The following CDH4 variants were observed in gnomAD, a reference collection of about 807,000 sequenced individuals.
CDH4 encodes cadherin 4.
CDH4 carries 33 observed loss-of-function variants against 86.0 expected under a neutral mutation model. That is an observed-to-expected ratio of 0.38 (90% CI 0.29 to 0.51). The LOEUF is 0.51. CDH4 is among the 20% of genes least tolerant of loss of function. The pLI is 0.86. For missense variants in CDH4, 1,114 were observed against 1,307.4 expected, an observed-to-expected ratio of 0.85 and a Z score of 2.28; for synonymous variants, 555 against 549.4, an observed-to-expected ratio of 1.01 and a Z score of -0.14.
At chr20:61,323,799 G>C (rs2084522669) in intron 2 of CDH4, among the ~76,000 whole-genome samples, 1 of 152,180 alleles carries the variant, frequency 6.6e-6, no homozygotes, top group East Asian at 1.9e-4. Flanking sequence ...CATGCAAAAT[G>C]GGTTTGTTTT....
intron 7 of CDH4, among the ~76,000 whole-genome samples, chr20:61,875,131 C>T (rs1487379442): frequency 1.3e-5 from 2 of 152,216 alleles, no homozygotes; most frequent in African/African-American, 4.8e-5. Flanking sequence ...CCGGGGCCTC[C>T]AGTTTCTGCC....
intron 2 of CDH4, among the ~76,000 whole-genome samples, chr20:61,710,344 A>G (rs549987964): frequency 1.5e-4 from 23 of 152,238 alleles, no homozygotes; most frequent in African/African-American, 4.8e-4. Context: ...CTGGGCCCCA[A>G]TGTGAAGGCA....
chr20:61,792,127 A>G (rs1979236025), intron 4 of CDH4, among the ~76,000 whole-genome samples: 1 of 152,084 alleles, frequency 6.6e-6, no homozygotes, highest in South Asian at 2.1e-4. Flanking sequence ...GGCCTGGGCT[A>G]GGACAGTAGA....
intron 9 of CDH4, 99 bp downstream of exon 9, chr20:61,910,706 C>A: frequency 8.9e-7 from 1 of 1,127,482 alleles, no homozygotes; most frequent in Non-Finnish European, 1.3e-6. Flanking sequence ...TGTAAAGTTA[C>A]TGCCCCCCTA....
At chr20:61,633,174 C>A (rs1303471650) in intron 2 of CDH4, among the ~76,000 whole-genome samples, 2 of 149,994 alleles carry the variant, frequency 1.3e-5, no homozygotes, top group Admixed American at 6.6e-5. Context: ...ACCCATCCAT[C>A]CACCCATCCA....
At chr20:61,550,168 CTCACTGGCCTCCCTAGCCTGCT>C (rs1167955438) in intron 2 of CDH4, among the ~76,000 whole-genome samples, 4 of 143,380 alleles carry the variant, frequency 2.8e-5, no homozygotes, top group East Asian at 2.0e-4. Flanking sequence ...CTGCCCCAAC[CTCACTGGCCTCCCTAGCCTGCT>C]TCCCTGGCCT....
chr20:61,746,842 T>C (rs1465544841), intron 3 of CDH4, among the ~76,000 whole-genome samples: 1 of 152,180 alleles, frequency 6.6e-6, no homozygotes, highest in Non-Finnish European at 1.5e-5. Flanking sequence ...CCTTGCCAGG[T>C]GGCATGGGGG....
chr20:61,552,430 G>A (rs1420754432), intron 2 of CDH4, among the ~76,000 whole-genome samples: 1 of 152,346 alleles, frequency 6.6e-6, no homozygotes, highest in African/African-American at 2.4e-5. Context: ...CAAGCACAGT[G>A]GCTCAACACC....
chr20:61,922,350 G>A (rs544892305), intron 9 of CDH4, among the ~76,000 whole-genome samples: 5 of 152,276 alleles, frequency 3.3e-5, no homozygotes, highest in Admixed American at 6.5e-5. Flanking sequence ...AGGCTTGAGC[G>A]AAGCTTTTCT....
chr20:61,672,245 C>A (rs572647452), intron 2 of CDH4, among the ~76,000 whole-genome samples: 1 of 145,882 alleles, frequency 6.9e-6, no homozygotes, highest in South Asian at 2.2e-4. Flanking sequence ...ATGATCGTAT[C>A]GGTAGATGGG....
intron 2 of CDH4, among the ~76,000 whole-genome samples, chr20:61,281,764 G>T (rs1317884078): frequency 6.6e-6 from 1 of 152,186 alleles, no homozygotes. Flanking sequence ...CCCCTGGAGG[G>T]GACGCACCCC....
At chr20:61,487,438 G>T (rs1438821022) in intron 2 of CDH4, among the ~76,000 whole-genome samples, 3 of 152,116 alleles carry the variant, frequency 2.0e-5, no homozygotes, top group Non-Finnish European at 4.4e-5. Context: ...TTATTTATTG[G>T]TTCTCATAAT....
At chr20:61,554,010 T>C (rs1016785027) in intron 2 of CDH4, among the ~76,000 whole-genome samples, 2 of 152,162 alleles carry the variant, frequency 1.3e-5, no homozygotes. Flanking sequence ...TTCCATCTGC[T>C]CTGAGGAGCA....
rs1252325089 is a variant in CDH4 at position 61,565,240 on chromosome 20, TGGC to T, written c.170-178320_170-178318del. The stretch of plus-strand genomic sequence containing the variant: ...CGGTGGTAGGTGGTGGTGGTGGTGG[TGGC>T]GGTGCTCTTGGTGATGGTGGTGGTG... On this transcript the variant is annotated intron_variant, in intron 2 of 15. Transcript: ENST00000614565. 1.6e-3 allele frequency among the ~76,000 whole-genome samples: 103 copies of T among 65,278 alleles called. 4 individuals carry two copies. The highest frequency in any genetic ancestry group is 0.013 in the South Asian group (20 of 1,508). The allele number at this position is 65,278 out of a possible 152,430, so 42.8% of individuals were successfully genotyped here.
intron 2 of CDH4, among the ~76,000 whole-genome samples, chr20:61,321,926 A>G (rs2084510840): frequency 6.6e-6 from 1 of 151,250 alleles, no homozygotes; most frequent in Non-Finnish European, 1.5e-5. Flanking sequence ...ATTGTAGCAT[A>G]TATTATAATA....
intron 7 of CDH4, among the ~76,000 whole-genome samples, chr20:61,883,162 C>T (rs1039782118): frequency 6.6e-6 from 1 of 150,688 alleles, no homozygotes; most frequent in Non-Finnish European, 1.5e-5. Flanking sequence ...TACAGCATTC[C>T]TCCCGAGACC....
intron 2 of CDH4, among the ~76,000 whole-genome samples, chr20:61,496,656 T>A (rs188021089): frequency 6.6e-6 from 1 of 152,196 alleles, no homozygotes; most frequent in Non-Finnish European, 1.5e-5. Context: ...TGACAAATGC[T>A]TACATTTGGG....
intron 2 of CDH4, among the ~76,000 whole-genome samples, chr20:61,299,228 G>A (rs992455179): frequency 1.3e-5 from 2 of 152,090 alleles, no homozygotes; most frequent in South Asian, 4.1e-4. Context: ...TCGCTTATTC[G>A]TTCATCACGG....
intron 2 of CDH4, among the ~76,000 whole-genome samples, chr20:61,575,875 A>G (rs2145712226): frequency 6.6e-6 from 1 of 152,310 alleles, no homozygotes; most frequent in Non-Finnish European, 1.5e-5. Flanking sequence ...CCCAAGTCTC[A>G]GGAATAAATA....
Sources: gnomAD v4.1 joint callset for allele counts (sites outside exome capture counted in the v4.1 genomes callset) on GRCh38, gnomAD v4.1.1 for gene constraint, MANE v1.5 for transcripts, NCBI Gene and HGNC (gene_info 2026-07-23, HGNC 2026-07-21) for gene names.